RBMS1: variants seen among roughly 807,000 people sequenced by gnomAD.
RBMS1 encodes the protein RNA binding motif single stranded interacting protein 1, also known as RNA-binding motif, single-stranded-interacting protein 1.
RBMS1 carries 17 observed loss-of-function variants against 62.3 expected under a neutral mutation model. That is an observed-to-expected ratio of 0.27 (90% CI 0.19 to 0.41). RBMS1 has a LOEUF of 0.41. Among genes scored for constraint, RBMS1 ranks in the 10% least tolerant of loss-of-function variants. RBMS1 has a pLI of 1.00. For missense variants in RBMS1, 334 were observed against 504.5 expected (o/e 0.66, Z 3.24); for synonymous variants, 172 against 170.0 (o/e 1.01, Z -0.09).
intron 3 of RBMS1, among the ~76,000 whole-genome samples, chr2:160,317,798 C>T (rs1409797901): frequency 6.6e-6 from 1 of 152,154 alleles, no homozygotes; most frequent in Admixed American, 6.6e-5. Flanking sequence ...CTTTTCAGTT[C>T]TTTAGTACAG....
chr2:160,413,755 C>G (rs1296202434), intron 1 of RBMS1, among the ~76,000 whole-genome samples: 1 of 152,170 alleles, frequency 6.6e-6, no homozygotes, highest in Non-Finnish European at 1.5e-5. Context: ...GAGTAACTAA[C>G]TATATTCCAG....
chr2:160,318,625 C>G (rs989879159), intron 2 of RBMS1, among the ~76,000 whole-genome samples: 1 of 152,200 alleles, frequency 6.6e-6, no homozygotes, highest in African/African-American at 2.4e-5. Context: ...GTCCTATGAT[C>G]CATACAGCTT....
At chr2:160,323,115 C>T (rs1419133377) in intron 2 of RBMS1, among the ~76,000 whole-genome samples, 1 of 151,748 alleles carries the variant, frequency 6.6e-6, no homozygotes, top group Non-Finnish European at 1.5e-5. Flanking sequence ...CATCTGGGTA[C>T]AAATTCATAA....
intron 1 of RBMS1, among the ~76,000 whole-genome samples, chr2:160,425,822 T>A (rs1023853643): frequency 2.0e-5 from 3 of 152,060 alleles, no homozygotes; most frequent in Non-Finnish European, 4.4e-5. Context: ...TGAGATCGGG[T>A]TTCATAACTA....
chr2:160,466,138 C>G (rs1395868646), intron 1 of RBMS1, among the ~76,000 whole-genome samples: 2 of 151,932 alleles, frequency 1.3e-5, no homozygotes, highest in Non-Finnish European at 2.9e-5. Context: ...CTATAAAAAC[C>G]AAAGCTCCTA....
At chr2:160,403,043 T>A (rs1018585928) in intron 1 of RBMS1, among the ~76,000 whole-genome samples, 2 of 152,158 alleles carry the variant, frequency 1.3e-5, no homozygotes, top group African/African-American at 4.8e-5. Flanking sequence ...GTTCAAAACC[T>A]GAAGTGAACT....
At chr2:160,350,745 G>A (rs1389763837) in intron 2 of RBMS1, among the ~76,000 whole-genome samples, 1 of 152,128 alleles carries the variant, frequency 6.6e-6, no homozygotes, top group South Asian at 2.1e-4. Flanking sequence ...TCTTAATCCA[G>A]TCTATCATTG....
At chr2:160,314,026 T>A (rs961449147) in intron 3 of RBMS1, among the ~76,000 whole-genome samples, 2 of 151,946 alleles carry the variant, frequency 1.3e-5, no homozygotes, top group African/African-American at 4.8e-5. Context: ...CCACAACAAG[T>A]CAAAAGCAGA....
At chr2:160,362,495 G>A (rs1693181774) in intron 2 of RBMS1, among the ~76,000 whole-genome samples, 2 of 152,274 alleles carry the variant, frequency 1.3e-5, no homozygotes, top group Admixed American at 1.3e-4. Context: ...AAAAATGGAG[G>A]AGAAGGAGAC....
intron 6 of RBMS1, among the ~76,000 whole-genome samples, chr2:160,290,170 C>G (rs1157090542): frequency 6.8e-6 from 1 of 147,998 alleles, no homozygotes; most frequent in Non-Finnish European, 1.5e-5. Flanking sequence ...GCTGAATATA[C>G]AGGTTACAGG....
intron 2 of RBMS1, among the ~76,000 whole-genome samples, chr2:160,351,826 AAAG>A (rs1205763915): frequency 3.3e-5 from 5 of 152,126 alleles, no homozygotes; most frequent in African/African-American, 1.2e-4. Context: ...CAAACTGAAA[AAAG>A]AAGGTGACTA....
intron 2 of RBMS1, among the ~76,000 whole-genome samples, chr2:160,322,578 CTCTG>C (rs1213245426): frequency 6.6e-6 from 1 of 152,188 alleles, no homozygotes; most frequent in African/African-American, 2.4e-5. Flanking sequence ...ACGGATTCCA[CTCTG>C]TCTGTGGGGC....
At chr2:160,292,211 T>C (rs1688719161) in intron 6 of RBMS1, among the ~76,000 whole-genome samples, 2 of 152,238 alleles carry the variant, frequency 1.3e-5, no homozygotes. Context: ...TTTAAAATTC[T>C]GCTTTTGTAT....
At chr2:160,322,205 C>G (rs952817959) in intron 2 of RBMS1, among the ~76,000 whole-genome samples, 2 of 152,130 alleles carry the variant, frequency 1.3e-5, no homozygotes, top group African/African-American at 4.8e-5. Context: ...AAAGCTCATA[C>G]AAGTTTTGAG....
intron 2 of RBMS1, among the ~76,000 whole-genome samples, chr2:160,345,299 A>C (rs1465006106): frequency 6.6e-6 from 1 of 152,094 alleles, no homozygotes; most frequent in Non-Finnish European, 1.5e-5. Context: ...GCTGAAAATA[A>C]AGGTGAGGGA....
chr2:160,471,127 T>C (rs1684896088), intron 1 of RBMS1, among the ~76,000 whole-genome samples: 1 of 152,218 alleles, frequency 6.6e-6, no homozygotes, highest in Non-Finnish European at 1.5e-5. Context: ...TGGAACCATT[T>C]GGGAGTTATT....
intron 2 of RBMS1, among the ~76,000 whole-genome samples, chr2:160,321,256 T>A (rs979296398): frequency 6.6e-6 from 1 of 152,174 alleles, no homozygotes; most frequent in African/African-American, 2.4e-5. Context: ...GCTCTGCCAG[T>A]GCACCTCCCT....
chr2:160,279,668 T>C (rs1158291387), intron 10 of RBMS1: 3 of 152,242 alleles, frequency 2.0e-5, no homozygotes, highest in Non-Finnish European at 2.9e-5. Flanking sequence ...AATGCAAGTA[T>C]TCTGACACGC....
chr2:160,447,432 T>G (rs919748203), intron 1 of RBMS1, among the ~76,000 whole-genome samples: 5 of 152,238 alleles, frequency 3.3e-5, no homozygotes, highest in Admixed American at 3.3e-4. Flanking sequence ...TAATTCTATT[T>G]TGTTCTTCGT....
Sources: gnomAD v4.1 joint callset for allele counts (sites outside exome capture counted in the v4.1 genomes callset) on GRCh38, gnomAD v4.1.1 for gene constraint, MANE v1.5 for transcripts, NCBI Gene and HGNC (gene_info 2026-07-23, HGNC 2026-07-21) for gene names.